Variants in CDC14B observed in about 807,000 individuals in gnomAD.
CDC14B encodes the protein cell division cycle 14B, also known as dual specificity protein phosphatase CDC14B.
Under a neutral mutation model 64.2 loss-of-function variants are expected in CDC14B, and 22 were observed. The observed-to-expected ratio is 0.34, with a 90% CI of 0.24 to 0.49. CDC14B has a LOEUF of 0.49. Ranked by LOEUF, CDC14B falls within the 20% of genes least tolerant of loss-of-function variation. The pLI, the probability that CDC14B is intolerant of heterozygous loss-of-function variation, is 0.99. For missense variants in CDC14B, 498 were observed against 629.9 expected (o/e 0.79, Z 2.24); for synonymous variants, 191 against 215.8 (o/e 0.89, Z 1.01).
intron 1 of CDC14B, among the ~76,000 whole-genome samples, chr9:96,589,525 G>A (rs1436699015): frequency 6.6e-6 from 1 of 152,016 alleles, no homozygotes; most frequent in African/African-American, 2.4e-5. Context: ...ATTTGCTTAA[G>A]GTCCAAGTAA....
At chr9:96,573,817 A>C (rs1269251878) in intron 1 of CDC14B, among the ~76,000 whole-genome samples, 1 of 152,226 alleles carries the variant, frequency 6.6e-6, no homozygotes, top group Non-Finnish European at 1.5e-5. Context: ...TTAATCCAGA[A>C]GATCACAGGA....
intron 4 of CDC14B, among the ~76,000 whole-genome samples, chr9:96,560,340 A>C (rs1300770618): frequency 6.6e-6 from 1 of 152,172 alleles, no homozygotes; most frequent in African/African-American, 2.4e-5. Context: ...ATCCACAAAG[A>C]ACGGTTGGAA....
At chr9:96,615,777 G>GTA (rs1202144908) in intron 1 of CDC14B, among the ~76,000 whole-genome samples, 2 of 152,176 alleles carry the variant, frequency 1.3e-5, no homozygotes, top group African/African-American at 4.8e-5. Context: ...GCAACAACCT[G>GTA]TATATGAATG....
chr9:96,606,654 C>A (rs1846961443), intron 1 of CDC14B, among the ~76,000 whole-genome samples: 1 of 150,922 alleles, frequency 6.6e-6, no homozygotes, highest in South Asian at 2.1e-4. Flanking sequence ...GCAACCTCTA[C>A]CTCCCGGGTT....
intron 12 of CDC14B, among the ~76,000 whole-genome samples, chr9:96,521,162 C>T (rs1836653431): frequency 6.6e-6 from 1 of 152,242 alleles, no homozygotes; most frequent in African/African-American, 2.4e-5. Flanking sequence ...CTCTGCCTCC[C>T]GGGTTCAAGC....
At chr9:96,593,515 C>G (rs1845899937) in intron 1 of CDC14B, among the ~76,000 whole-genome samples, 1 of 149,802 alleles carries the variant, frequency 6.7e-6, no homozygotes, top group South Asian at 2.1e-4. Flanking sequence ...GCAAGCCATA[C>G]CATGTTTGTG....
In CDC14B at chr9:96,523,731, A is replaced by G. The variant is rs754670696; in HGVS notation, c.947-6T>C. ...GCCCGTGCGACCAAGGCCAGCTAGG[A>G]AAATAAAGAAGCACAGAAATGAAAC... On this transcript the variant is annotated splice_region_variant and splice_polypyrimidine_tract_variant and intron_variant, in intron 9 of 13. Coordinates refer to ENST00000375241, the MANE Select transcript of CDC14B (RefSeq NM_033331.4). The G allele has an allele frequency of 1.2e-6, 2 of 1,609,300 alleles. No individual in the cohort carries two copies. The highest frequency in any genetic ancestry group is 1.7e-6 in the Non-Finnish European group (2 of 1,176,416).
At chr9:96,530,517 C>T (rs2131663819) in intron 9 of CDC14B, among the ~76,000 whole-genome samples, 1 of 150,724 alleles carries the variant, frequency 6.6e-6, no homozygotes, top group Non-Finnish European at 1.5e-5. Flanking sequence ...TGAGCTCAGG[C>T]AATCTACCCA....
intron 12 of CDC14B, among the ~76,000 whole-genome samples, chr9:96,518,495 A>G (rs937713264): frequency 2.6e-5 from 4 of 152,168 alleles, no homozygotes; most frequent in Admixed American, 1.3e-4. Flanking sequence ...AGCCTGGGTG[A>G]CAAAGCAAGA....
At chr9:96,530,037 ATCT>A (rs1349851748) in intron 9 of CDC14B, among the ~76,000 whole-genome samples, 10 of 152,168 alleles carry the variant, frequency 6.6e-5, no homozygotes, top group African/African-American at 4.8e-5. Flanking sequence ...ATTTAATTAC[ATCT>A]TCTTTAATTT....
At chr9:96,559,697 C>A (rs1842912259) in intron 4 of CDC14B, among the ~76,000 whole-genome samples, 1 of 152,184 alleles carries the variant, frequency 6.6e-6, no homozygotes, top group Admixed American at 6.5e-5. Flanking sequence ...GCTGCAAAGG[C>A]TTCTGTCACA....
intron 13 of CDC14B, among the ~76,000 whole-genome samples, chr9:96,504,263 C>T (rs1487831412): frequency 1.3e-5 from 2 of 152,092 alleles, no homozygotes; most frequent in African/African-American, 4.8e-5. Context: ...ACCTAAGCGG[C>T]TTCCAGCTCC....
chr9:96,586,417 A>G (rs1845458871), intron 1 of CDC14B, among the ~76,000 whole-genome samples: 1 of 152,188 alleles, frequency 6.6e-6, no homozygotes, highest in Non-Finnish European at 1.5e-5. Flanking sequence ...ATCCTTCTTC[A>G]GTCTGCAAAA....
intron 1 of CDC14B, chr9:96,567,011 A>G: frequency 7.2e-7 from 1 of 1,389,106 alleles, no homozygotes; most frequent in Non-Finnish European, 9.4e-7. Context: ...AAGTCCTGGA[A>G]AAAGCCCCGC....
At chr9:96,518,281 C>T (rs111984382) in intron 12 of CDC14B, among the ~76,000 whole-genome samples, 11,611 of 152,120 alleles carry the variant, frequency 0.076, 1,512 homozygotes, top group African/African-American at 0.26. Context: ...CTTTAGGAGG[C>T]TGAGGCGGGC....
chr9:96,593,957 T>C (rs1375608360), intron 1 of CDC14B, among the ~76,000 whole-genome samples: 2 of 152,030 alleles, frequency 1.3e-5, no homozygotes, highest in Non-Finnish European at 2.9e-5. Flanking sequence ...ATGAAGAAAA[T>C]ATTTAGACGT....
intron 1 of CDC14B, among the ~76,000 whole-genome samples, chr9:96,602,280 A>G (rs921770161): frequency 3.9e-5 from 6 of 152,172 alleles, no homozygotes; most frequent in Non-Finnish European, 8.8e-5. Context: ...GCTGCTCATC[A>G]GCCCATGTCC....
At chr9:96,526,012 C>T (rs550850838) in intron 9 of CDC14B, among the ~76,000 whole-genome samples, 4 of 152,060 alleles carry the variant, frequency 2.6e-5, no homozygotes, top group South Asian at 2.1e-4. Context: ...AAGGCCTTTA[C>T]GGAAATAAAT....
chr9:96,618,103 T>C (rs537153639), intron 1 of CDC14B, among the ~76,000 whole-genome samples: 6 of 152,340 alleles, frequency 3.9e-5, no homozygotes, highest in African/African-American at 1.4e-4. Context: ...CTCAGCTTCA[T>C]TTCAAAACGA....
Sources: allele counts gnomAD v4.1 joint callset (sites outside exome capture counted in the v4.1 genomes callset), GRCh38; gene constraint gnomAD v4.1.1; transcripts MANE v1.5; gene names NCBI Gene and HGNC (gene_info 2026-07-23, HGNC 2026-07-21).